The following ATP8B1 variants were observed in gnomAD, a reference collection of about 807,000 sequenced individuals.
The protein encoded by ATP8B1 is ATPase phospholipid transporting 8B1.
A neutral mutation model predicts 149.9 loss-of-function variants in ATP8B1; 80 were observed. The observed-to-expected ratio is 0.53, with a 90% CI of 0.45 to 0.64. The LOEUF (loss-of-function observed/expected upper bound fraction) is 0.64, where lower values mean the gene tolerates loss of function less well. ATP8B1 is among the 30% of genes least tolerant of loss of function. The pLI is 0.00. For synonymous variants in ATP8B1, 536 were observed against 562.8 expected (o/e 0.95, Z 0.67); for missense variants, 1,247 against 1,552.6 (o/e 0.80, Z 3.31).
At chr18:57,776,410 C>A (rs992920699) in intron 1 of ATP8B1, among the ~76,000 whole-genome samples, 3 of 152,178 alleles carry the variant, frequency 2.0e-5, no homozygotes, top group Non-Finnish European at 4.4e-5. Context: ...CGTTTAATGA[C>A]CTTCACCTTG....
chr18:57,731,367 A>G lies in ATP8B1; in HGVS notation c.181+260T>C, dbSNP rs1235212429. 2.2e-5 allele frequency: 3 copies of G among 136,120 alleles called. 1 individual carries two copies. The highest frequency in any genetic ancestry group is 1.0e-4 in the South Asian group (2 of 19,708). The allele number at this position is 136,120 out of a possible 1,614,324, so 8.4% of individuals were successfully genotyped here. On this transcript the variant is annotated intron_variant, in intron 2 of 27. Coordinates refer to ENST00000648908, the MANE Select transcript of ATP8B1 (RefSeq NM_001374385.1). Reference sequence around the variant, plus strand: ...TATATATATATATATATATATATATATATATATACACACACTAACAAAGAC... The same window carrying G: ...TATATATATATATATATATATATATGTATATATACACACACTAACAAAGAC...
chr18:57,700,384 G>A (rs1046304250), intron 6 of ATP8B1, among the ~76,000 whole-genome samples: 4 of 152,052 alleles, frequency 2.6e-5, no homozygotes, highest in South Asian at 2.1e-4. Flanking sequence ...GTGATTAGAC[G>A]ACTGCCTCCA....
At chr18:57,790,260 C>G (rs1373627119) in intron 1 of ATP8B1, among the ~76,000 whole-genome samples, 2 of 151,998 alleles carry the variant, frequency 1.3e-5, no homozygotes, top group Admixed American at 6.6e-5. Flanking sequence ...ACTGCAGCAG[C>G]CTCCCAGATT....
intron 1 of ATP8B1, among the ~76,000 whole-genome samples, chr18:57,746,416 AG>A (rs879531459): frequency 2.0e-5 from 3 of 151,024 alleles, no homozygotes; most frequent in Non-Finnish European, 2.9e-5. Flanking sequence ...TGCTGTTCAA[AG>A]GGGGAGAAAA....
chr18:57,697,938 G>T (rs975552859), intron 6 of ATP8B1, 71 bp from the exon 7 acceptor site: 3 of 1,364,516 alleles, frequency 2.2e-6, no homozygotes, highest in Non-Finnish European at 3.1e-6. Context: ...ATTCTTTCTG[G>T]ATGTTATAGA....
At chr18:57,794,820 G>GAA (rs1314911606) in intron 1 of ATP8B1, among the ~76,000 whole-genome samples, 6 of 151,568 alleles carry the variant, frequency 4.0e-5, no homozygotes, top group East Asian at 3.9e-4. Context: ...AAGAAAGAAA[G>GAA]AAAGAATGGC....
At chr18:57,656,749 AGGAGGGAGAGAAT>A (rs1241039489) in intron 22 of ATP8B1, among the ~76,000 whole-genome samples, 3 of 119,328 alleles carry the variant, frequency 2.5e-5, no homozygotes, top group Admixed American at 9.9e-5. Flanking sequence ...AGGGGTGGGG[AGGAGGGAGAGAAT>A]GGAGGGAGAG....
intron 11 of ATP8B1, 102 bp from the exon 12 acceptor site, chr18:57,692,099 G>GA: frequency 6.6e-7 from 1 of 1,504,762 alleles, no homozygotes; most frequent in Non-Finnish European, 8.9e-7. Flanking sequence ...ATATGATTGA[G>GA]AATTTAGTAG....
chr18:57,756,948 G>A (rs1022723241), intron 1 of ATP8B1, among the ~76,000 whole-genome samples: 5 of 152,060 alleles, frequency 3.3e-5, no homozygotes, highest in African/African-American at 7.2e-5. Context: ...CAAATGTCCC[G>A]TTCCTTATCA....
At chr18:57,740,743 T>A (rs2079906144) in intron 1 of ATP8B1, 2 of 151,956 alleles carry the variant, frequency 1.3e-5, no homozygotes, top group Admixed American at 1.3e-4. Context: ...CCCAGCTAAT[T>A]TTTTTGGTTT....
At chr18:57,663,421 T>C (rs1270229684) in intron 20 of ATP8B1, among the ~76,000 whole-genome samples, 1 of 152,242 alleles carries the variant, frequency 6.6e-6, no homozygotes, top group Non-Finnish European at 1.5e-5. Context: ...TTTGAGATCC[T>C]GCTTTCAATT....
At chr18:57,667,368 A>G (rs1409502214) in intron 19 of ATP8B1, 4 of 558,612 alleles carry the variant, frequency 7.2e-6, no homozygotes, top group Non-Finnish European at 1.3e-5. Context: ...AGCTGGGACT[A>G]CGCAACTCGC....
chr18:57,772,904 A>T lies in ATP8B1; in HGVS notation c.-26+30094T>A, dbSNP rs530900508. Among the ~76,000 whole-genome samples, 217 of 152,254 alleles carry T rather than the reference A, an allele frequency of 1.4e-3. 1 individual carries two copies. Among genetic ancestry groups the T allele is most frequent in the Non-Finnish European group, 6.3e-4 (43 of 68,006 alleles). ...AAGTGCAGGATCCATCTGTGCAAAGAGGCTGGGGCCTCAACAACATGAACT... is the reference window on the plus strand; with the variant it reads ...AAGTGCAGGATCCATCTGTGCAAAGTGGCTGGGGCCTCAACAACATGAACT... On this transcript the variant is annotated intron_variant, in intron 1 of 27. Transcript: ENST00000648908.
intron 16 of ATP8B1, among the ~76,000 whole-genome samples, chr18:57,674,245 AAAAAAAAAAAAAAG>A (rs1911441407): frequency 6.8e-6 from 1 of 147,360 alleles, no homozygotes; most frequent in Non-Finnish European, 1.5e-5. Context: ...CCATCTCAAA[AAAAAAAAAAAAAAG>A]AAAAGAAAAG....
chr18:57,794,828 G>GAAA (rs1171642495), intron 1 of ATP8B1, among the ~76,000 whole-genome samples: 2 of 151,438 alleles, frequency 1.3e-5, no homozygotes, highest in African/African-American at 4.8e-5. Flanking sequence ...AAGAAAGAAT[G>GAAA]GCATATGACT....
intron 2 of ATP8B1, among the ~76,000 whole-genome samples, chr18:57,713,583 C>G (rs319410): frequency 1.3e-5 from 2 of 150,610 alleles, no homozygotes; most frequent in Non-Finnish European, 3.0e-5. Context: ...CTCCACCTAC[C>G]GGGTTCAAGC....
chr18:57,655,657 C>T (rs534111090), intron 22 of ATP8B1, among the ~76,000 whole-genome samples: 1 of 152,318 alleles, frequency 6.6e-6, no homozygotes, highest in East Asian at 1.9e-4. Context: ...GAAAGGATCT[C>T]ATGTGGGTGA....
intron 1 of ATP8B1, among the ~76,000 whole-genome samples, chr18:57,792,589 C>T (rs933529681): frequency 3.9e-5 from 6 of 151,952 alleles, no homozygotes; most frequent in African/African-American, 9.7e-5. Context: ...CCAGGGGCTG[C>T]GGGGACAAGG....
intron 1 of ATP8B1, among the ~76,000 whole-genome samples, chr18:57,766,970 G>A (rs7236632): frequency 0.83 from 126,663 of 152,138 alleles, 53,151 homozygotes; most frequent in South Asian, 0.89. Context: ...GAGAGTGTCC[G>A]ATTTGCACAG....
Sources: gnomAD v4.1 joint callset for allele counts (sites outside exome capture counted in the v4.1 genomes callset) on GRCh38, gnomAD v4.1.1 for gene constraint, MANE v1.5 for transcripts, NCBI Gene and HGNC (gene_info 2026-07-23, HGNC 2026-07-21) for gene names.